NLGN1: variants seen among roughly 807,000 people sequenced by gnomAD.
NLGN1 encodes the protein neuroligin-1.
Under a neutral mutation model 65.5 loss-of-function variants are expected in NLGN1, and 12 were observed. The ratio of observed to expected loss-of-function variants is 0.18; its 90% confidence interval spans 0.12 to 0.30. NLGN1 has a LOEUF of 0.30. Ranked by LOEUF, NLGN1 falls within the 10% of genes least tolerant of loss-of-function variation. NLGN1 has a pLI of 1.00. For missense variants in NLGN1, 750 were observed against 1,007.1 expected, an observed-to-expected ratio of 0.74 and a Z score of 3.46; for synonymous variants, 350 against 359.5, an observed-to-expected ratio of 0.97 and a Z score of 0.30.
chr3:174,271,699 A>G (rs1561442415), intron 4 of NLGN1, among the ~76,000 whole-genome samples: 1 of 151,828 alleles, frequency 6.6e-6, no homozygotes, highest in East Asian at 1.9e-4. Context: ...GTAATCAACT[A>G]GTAGTTCCAT....
chr3:173,846,334 G>T (rs13072278), intron 4 of NLGN1, among the ~76,000 whole-genome samples: 25,201 of 151,892 alleles, frequency 0.17, 2,460 homozygotes, highest in East Asian at 0.32. Context: ...GTGACCCAGG[G>T]CTCAGTGCTT....
chr3:173,976,226 G>T (rs1367883658), intron 4 of NLGN1, among the ~76,000 whole-genome samples: 1 of 152,014 alleles, frequency 6.6e-6, no homozygotes, highest in African/African-American at 2.4e-5. Flanking sequence ...ATTTTTGTAA[G>T]ACATTTATTG....
the NLGN1 span, among the ~76,000 whole-genome samples, chr3:174,293,438 C>T: frequency 9.3e-5 from 14 of 151,106 alleles, no homozygotes; most frequent in East Asian, 3.9e-4. Flanking sequence ...TGAAAGGACC[C>T]GCCAACTGCC....
intron 4 of NLGN1, among the ~76,000 whole-genome samples, chr3:173,890,781 C>T (rs1735183736): frequency 6.6e-6 from 1 of 152,190 alleles, no homozygotes; most frequent in South Asian, 2.1e-4. Flanking sequence ...CTCCTTCACA[C>T]ATGGCAATAG....
At chr3:173,899,665 A>G (rs1234520956) in intron 4 of NLGN1, among the ~76,000 whole-genome samples, 1 of 152,134 alleles carries the variant, frequency 6.6e-6, no homozygotes. Context: ...TTATTGGAAC[A>G]CAGTTTCACC....
intron 4 of NLGN1, among the ~76,000 whole-genome samples, chr3:174,058,404 C>T (rs1002654167): frequency 6.6e-6 from 1 of 152,048 alleles, no homozygotes; most frequent in Non-Finnish European, 1.5e-5. Context: ...CTTCCCATCC[C>T]CTTGCAGATG....
At chr3:173,725,527 T>C (rs751162955) in intron 3 of NLGN1, among the ~76,000 whole-genome samples, 5 of 152,186 alleles carry the variant, frequency 3.3e-5, no homozygotes, top group Non-Finnish European at 5.9e-5. Flanking sequence ...CCCCCCAAAA[T>C]ATTACTGATT....
At chr3:173,673,419 A>G (rs542083462) in intron 3 of NLGN1, among the ~76,000 whole-genome samples, 1 of 152,314 alleles carries the variant, frequency 6.6e-6, no homozygotes, top group South Asian at 2.1e-4. Context: ...AGAACATTAG[A>G]GTATACATTA....
At chr3:173,653,148 G>C (rs138806432) in intron 3 of NLGN1, among the ~76,000 whole-genome samples, 1 of 152,062 alleles carries the variant, frequency 6.6e-6, no homozygotes, top group Non-Finnish European at 1.5e-5. Context: ...TTGCAAAGTC[G>C]TTAGGGTTTT....
intron 2 of NLGN1, among the ~76,000 whole-genome samples, chr3:173,507,477 C>A (rs998101147): frequency 3.9e-5 from 6 of 152,058 alleles, no homozygotes; most frequent in Non-Finnish European, 8.8e-5. Context: ...TATTTGAATT[C>A]TATGATTGCT....
chr3:173,748,619 A>G (rs1437110261), intron 3 of NLGN1, among the ~76,000 whole-genome samples: 1 of 152,164 alleles, frequency 6.6e-6, no homozygotes, highest in Non-Finnish European at 1.5e-5. Context: ...CAACATCCAG[A>G]TGTAATATAA....
At chr3:174,058,798 AT>A (rs985401345) in intron 4 of NLGN1, among the ~76,000 whole-genome samples, 18 of 152,090 alleles carry the variant, frequency 1.2e-4, no homozygotes, top group African/African-American at 2.9e-4. Context: ...TTTATCTGAG[AT>A]TTTTTTAAGA....
intron 3 of NLGN1, among the ~76,000 whole-genome samples, chr3:173,637,413 T>C (rs1756764969): frequency 6.6e-6 from 1 of 152,158 alleles, no homozygotes. Context: ...ATGACCCCTA[T>C]TGGTGTGAAT....
At chr3:173,744,085 A>T (rs1477564875) in intron 3 of NLGN1, among the ~76,000 whole-genome samples, 1 of 152,142 alleles carries the variant, frequency 6.6e-6, no homozygotes, top group East Asian at 1.9e-4. Context: ...GAAGGTAAAA[A>T]TTGCATGGAT....
At chr3:173,597,086 T>C (rs77756329) in intron 2 of NLGN1, among the ~76,000 whole-genome samples, 1 of 152,202 alleles carries the variant, frequency 6.6e-6, no homozygotes, top group South Asian at 2.1e-4. Flanking sequence ...GCAGCCTTTT[T>C]ATTTTCCTTC....
intron 3 of NLGN1, among the ~76,000 whole-genome samples, chr3:173,624,052 C>T (rs1321580668): frequency 6.6e-6 from 1 of 152,026 alleles, no homozygotes; most frequent in Non-Finnish European, 1.5e-5. Flanking sequence ...GGGCAGGGCC[C>T]TCTGGCTCTA....
intron 4 of NLGN1, among the ~76,000 whole-genome samples, chr3:173,823,007 C>A (rs1720623902): frequency 6.6e-6 from 1 of 151,826 alleles, no homozygotes; most frequent in Non-Finnish European, 1.5e-5. Context: ...TCAGTTAATT[C>A]TCTAAGACTG....
chr3:173,581,462 T>C (rs1235175835), intron 2 of NLGN1, among the ~76,000 whole-genome samples: 1 of 152,036 alleles, frequency 6.6e-6, no homozygotes, highest in Non-Finnish European at 1.5e-5. Flanking sequence ...GATCAATCAG[T>C]TGATTGACTG....
At chr3:173,945,986 T>C (rs1468052145) in intron 4 of NLGN1, among the ~76,000 whole-genome samples, 1 of 152,222 alleles carries the variant, frequency 6.6e-6, no homozygotes, top group African/African-American at 2.4e-5. Context: ...GATTTTTGCC[T>C]GGTGCCATAA....
Sources: allele counts gnomAD v4.1 joint callset (sites outside exome capture counted in the v4.1 genomes callset), GRCh38; gene constraint gnomAD v4.1.1; transcripts MANE v1.5; gene names NCBI Gene and HGNC (gene_info 2026-07-23, HGNC 2026-07-21).